ZNF407: variants seen among roughly 807,000 people sequenced by gnomAD.
ZNF407 encodes zinc finger protein 407.
A neutral mutation model predicts 131.2 loss-of-function variants in ZNF407; 17 were observed. That is an observed-to-expected ratio of 0.13 (90% confidence interval 0.09 to 0.19). The LOEUF is 0.19. Among genes scored for constraint, ZNF407 ranks in the 10% least tolerant of loss-of-function variants. ZNF407 has a pLI of 1.00. For missense variants in ZNF407, 2,681 were observed against 2,830.6 expected, an observed-to-expected ratio of 0.95 and a Z score of 1.20; for synonymous variants, 1,156 against 1,062.0, an observed-to-expected ratio of 1.09 and a Z score of -1.72.
chr18:74,696,146 A>G (rs1967349802), intron 3 of ZNF407, among the ~76,000 whole-genome samples: 1 of 152,218 alleles, frequency 6.6e-6, no homozygotes, highest in African/African-American at 2.4e-5. Flanking sequence ...CACATCTCCA[A>G]GAACGAAAAT....
intron 8 of ZNF407, among the ~76,000 whole-genome samples, chr18:74,962,595 A>G (rs924364022): frequency 6.6e-6 from 1 of 152,166 alleles, no homozygotes; most frequent in African/African-American, 2.4e-5. Context: ...GCCCTCTTGA[A>G]CTACGGGTAT....
intron 3 of ZNF407, among the ~76,000 whole-genome samples, chr18:74,663,941 C>G (rs1328646284): frequency 6.6e-6 from 1 of 152,202 alleles, no homozygotes; most frequent in African/African-American, 2.4e-5. Context: ...TGCAGTTCCA[C>G]ATAGCAGGAA....
Position 74,598,934 on chromosome 18 carries a change from A to G in ZNF407, c.-54+997A>G, listed in dbSNP as rs141784923. Among the ~76,000 whole-genome samples, 10 of 152,366 alleles carry G rather than the reference A, an allele frequency of 6.6e-5. No homozygotes were observed. The East Asian group carries it at 1.9e-3, about 29-fold the overall frequency. ...ATCCCACATCCGTGGACACACATGT[A>G]GAATACTTTTATAAGTAATTACAGT... On this transcript the variant is annotated intron_variant, in intron 1 of 8. Transcript: ENST00000299687.
At chr18:74,677,054 T>C (rs1388799684) in intron 3 of ZNF407, among the ~76,000 whole-genome samples, 1 of 152,122 alleles carries the variant, frequency 6.6e-6, no homozygotes, top group African/African-American at 2.4e-5. Context: ...TCTGGTAATA[T>C]TCATTTACAT....
At chr18:75,027,641 C>T (rs1973187246) in intron 8 of ZNF407, among the ~76,000 whole-genome samples, 1 of 152,132 alleles carries the variant, frequency 6.6e-6, no homozygotes, top group South Asian at 2.1e-4. Flanking sequence ...CATCTGATCT[C>T]TAATTCTCTG....
chr18:74,973,138 A>G (rs376327109), intron 8 of ZNF407, among the ~76,000 whole-genome samples: 10 of 93,428 alleles, frequency 1.1e-4, no homozygotes, highest in South Asian at 2.8e-4. Context: ...TTATATATAT[A>G]TGTGTGTGTG....
intron 4 of ZNF407, among the ~76,000 whole-genome samples, chr18:74,829,200 T>C (rs1478237280): frequency 6.6e-6 from 1 of 152,252 alleles, no homozygotes; most frequent in Non-Finnish European, 1.5e-5. Flanking sequence ...AGATGGTCTT[T>C]TGACAATGGG....
intron 8 of ZNF407, among the ~76,000 whole-genome samples, chr18:74,980,111 T>C (rs1041905623): frequency 6.6e-6 from 1 of 152,052 alleles, no homozygotes; most frequent in Admixed American, 6.5e-5. Flanking sequence ...AAAAAAAATG[T>C]GTTTCCCTCT....
At chr18:74,691,381 C>A (rs2144799377) in intron 3 of ZNF407, among the ~76,000 whole-genome samples, 1 of 151,778 alleles carries the variant, frequency 6.6e-6, no homozygotes, top group Admixed American at 6.6e-5. Context: ...TATAGTATTA[C>A]CTTTTCTAAA....
chr18:74,730,069 ATGTGCCAGGCGCTATTCTTGGTCC>A (rs1968259176), intron 3 of ZNF407, among the ~76,000 whole-genome samples: 1 of 152,222 alleles, frequency 6.6e-6, no homozygotes, highest in Admixed American at 6.5e-5. Context: ...GTGGAAGGCC[ATGTGCCAGGCGCTATTCTTGGTCC>A]TGTGGGACAG....
At chr18:74,719,936 G>T (rs1281214350) in intron 3 of ZNF407, among the ~76,000 whole-genome samples, 2 of 152,162 alleles carry the variant, frequency 1.3e-5, no homozygotes, top group Non-Finnish European at 2.9e-5. Flanking sequence ...TGGCTATTGT[G>T]AATAGTGGTC....
intron 7 of ZNF407, among the ~76,000 whole-genome samples, chr18:74,911,770 G>A (rs915488366): frequency 6.6e-6 from 1 of 152,174 alleles, no homozygotes; most frequent in African/African-American, 2.4e-5. Flanking sequence ...AAAATAGTGA[G>A]CGATCACTCC....
At chr18:74,705,959 C>A (rs770960749) in intron 3 of ZNF407, among the ~76,000 whole-genome samples, 4 of 152,252 alleles carry the variant, frequency 2.6e-5, no homozygotes, top group African/African-American at 9.6e-5. Flanking sequence ...TACTAAAGAT[C>A]ATTTTCTGTT....
rs376667472 is a variant in ZNF407, at chr18:74,883,334, C to G, written c.5128+2215C>G. ...GGATTTAAAATATTTAAGCAACACA[C>G]AACCTTTTTCCCCCAAGGCCAGACT... is the stretch of plus-strand genomic sequence containing the variant. On this transcript the variant is annotated intron_variant, in intron 6 of 8. Transcript: ENST00000299687. Among the ~76,000 whole-genome samples, 46 of 152,356 alleles carry G rather than the reference C, an allele frequency of 3.0e-4. No homozygotes were observed. The South Asian group carries it at 3.3e-3, about 11-fold the overall frequency.
At chr18:74,740,407 T>C (rs1568191833) in intron 3 of ZNF407, among the ~76,000 whole-genome samples, 1 of 152,218 alleles carries the variant, frequency 6.6e-6, no homozygotes, top group Non-Finnish European at 1.5e-5. Context: ...CATTAGTAGG[T>C]AACGTTTACA....
intron 4 of ZNF407, among the ~76,000 whole-genome samples, chr18:74,822,744 G>A (rs985044976): frequency 1.1e-4 from 16 of 152,140 alleles, no homozygotes; most frequent in African/African-American, 3.4e-4. Flanking sequence ...TCTTGGCTAT[G>A]TGGGCAGTTT....
intron 3 of ZNF407, among the ~76,000 whole-genome samples, chr18:74,672,573 A>ATTGGAGCACTGTTTGTCTGTTTG (rs1568158732): frequency 1.8e-4 from 27 of 147,412 alleles, no homozygotes; most frequent in African/African-American, 6.9e-4. Context: ...CTGTTTGTTC[A>ATTGGAGCACTGTTTGTCTGTTTG]TTGGAGCACT....
At chr18:74,921,012 T>C (rs920115343) in intron 8 of ZNF407, 10 of 1,029,732 alleles carry the variant, frequency 9.7e-6, no homozygotes, top group African/African-American at 3.4e-5. Context: ...GTTGACTAAT[T>C]GCTAAAATTT....
intron 3 of ZNF407, among the ~76,000 whole-genome samples, chr18:74,642,870 T>C (rs555340764): frequency 2.0e-5 from 3 of 152,278 alleles, no homozygotes; most frequent in Non-Finnish European, 4.4e-5. Context: ...TATGACAGCA[T>C]TGAATTTCAT....
Sources: gnomAD v4.1 joint callset for allele counts (sites outside exome capture counted in the v4.1 genomes callset) on GRCh38, gnomAD v4.1.1 for gene constraint, MANE v1.5 for transcripts, NCBI Gene and HGNC (gene_info 2026-07-23, HGNC 2026-07-21) for gene names.